Variants in FANCL observed in about 807,000 individuals in gnomAD.
The protein encoded by FANCL is E3 ubiquitin-protein ligase FANCL.
FANCL carries 69 observed loss-of-function variants against 59.4 expected under a neutral mutation model. The ratio of observed to expected loss-of-function variants is 1.16; its 90% CI spans 0.96 to 1.42. The LOEUF (loss-of-function observed/expected upper bound fraction) is 1.42, where lower values mean the gene tolerates loss of function less well. Among genes scored for constraint, FANCL ranks in the 40% most tolerant of loss-of-function variants. The probability of loss-of-function intolerance (pLI) is 0.00; values close to 1 mark genes in which losing one functional copy is unlikely to be tolerated. For synonymous variants in FANCL, 180 were observed against 147.1 expected (o/e 1.22, Z -1.62); for missense variants, 519 against 447.2 (o/e 1.16, Z -1.45).
At chr2:58,230,577 G>A (rs1202913853) in intron 2 of FANCL, among the ~76,000 whole-genome samples, 1 of 152,128 alleles carries the variant, frequency 6.6e-6, no homozygotes, top group Non-Finnish European at 1.5e-5. Flanking sequence ...ACTCTTCTAA[G>A]GAATTACTTT....
At chr2:58,200,256 T>C (rs1378928765) in intron 6 of FANCL, among the ~76,000 whole-genome samples, 1 of 152,082 alleles carries the variant, frequency 6.6e-6, no homozygotes, top group Non-Finnish European at 1.5e-5. Context: ...CGTGATTATC[T>C]CAAAGTAAAT....
At chr2:58,177,071 C>T (rs1227256620) in intron 7 of FANCL, among the ~76,000 whole-genome samples, 2 of 152,188 alleles carry the variant, frequency 1.3e-5, no homozygotes, top group South Asian at 4.1e-4. Flanking sequence ...CAAATCAAAA[C>T]CACAACGAGA....
rs747253294 is a variant in FANCL, at chr2:58,161,532, CATA to C, written c.1007_1009del (p.Ile336_Cys337delinsSer). 867 of 1,594,924 alleles carry C rather than the reference CATA, an allele frequency of 5.4e-4. No homozygotes were observed. Among genetic ancestry groups the C allele is most frequent in the Non-Finnish European group, 6.7e-4 (785 of 1,163,178 alleles). The stretch of plus-strand genomic sequence containing the variant: ...ATTTTTATTTTTTACCTCATATAAG[CATA>C]TTTGATGGAAAGGTTGTCCACACTG... On this transcript the variant is annotated inframe_deletion, in exon 12 of 14. Coordinates refer to ENST00000233741, the MANE Select transcript of FANCL (RefSeq NM_018062.4).
rs115348867 is a variant in FANCL at position 58,230,506 on chromosome 2, A to G, written c.156-632T>C. 5.9e-3 allele frequency among the ~76,000 whole-genome samples: 895 copies of G among 152,212 alleles called. 13 individuals are homozygous for G. The highest frequency in any genetic ancestry group is 0.02 in the African/African-American group (845 of 41,536). Reference sequence around the variant, plus strand: ...CTTCTAATTAATTGTATAAGAAGTGATAAGTTAATGTTCATCCACTTACTG... The same window carrying G: ...CTTCTAATTAATTGTATAAGAAGTGGTAAGTTAATGTTCATCCACTTACTG... On this transcript the variant is annotated intron_variant, in intron 2 of 13. Transcript: ENST00000233741.
Position 58,165,853 on chromosome 2 carries a change from TATAA to T in FANCL, c.558_561del (p.Tyr187ValfsTer7). The stretch of plus-strand genomic sequence containing the variant: ...GATTCTATTGCTGCCAAAAACTGAC[TATAA>T]ATGCTTATTAAGGAGCTCTGTGAAA... On this transcript the variant is annotated frameshift_variant, in exon 8 of 14. Coordinates refer to ENST00000233741, the MANE Select transcript of FANCL (RefSeq NM_018062.4). LOFTEE classifies it high-confidence loss of function. 3.1e-6 allele frequency: 5 copies of T among 1,614,064 alleles called. No individual in the cohort carries two copies. Among genetic ancestry groups the T allele is most frequent in the Non-Finnish European group, 4.2e-6 (5 of 1,179,964 alleles).
At position 58,161,527 on chromosome 2, in the gene FANCL, A is replaced by T. The variant is rs1200470188; in HGVS notation, c.1015T>A (p.Tyr339Asn). The part of the protein sequence containing the change: ...CGQPFHQICL[Y>N]EWLRGLLTSR... ...ACAATATTTTTATTTTTTACCTCAT[A>T]TAAGCATATTTGATGGAAAGGTTGT... The change falls in exon 12 of 14, where the codon TAT becomes AAT. Residue 339 changes from tyrosine to asparagine, a missense_variant. Physicochemically the swap from Tyr to Asn is moderately radical, Grantham distance 143. Transcript: ENST00000233741. 1.9e-6 allele frequency: 3 copies of T among 1,585,904 alleles called. No individual in the cohort carries two copies. Among genetic ancestry groups the T allele is most frequent in the Non-Finnish European group, 2.6e-6 (3 of 1,154,826 alleles).
At chr2:58,237,028 C>T (rs58950743) in intron 1 of FANCL, among the ~76,000 whole-genome samples, 1 of 151,866 alleles carries the variant, frequency 6.6e-6, no homozygotes, top group Non-Finnish European at 1.5e-5. Flanking sequence ...ATTTCAACAC[C>T]CCCTCTCACT....
chr2:58,209,665 C>A (rs1341785371), intron 5 of FANCL, among the ~76,000 whole-genome samples: 1 of 152,044 alleles, frequency 6.6e-6, no homozygotes, highest in African/African-American at 2.4e-5. Flanking sequence ...ACATAACATG[C>A]CTCTTTGAAA....
intron 12 of FANCL, among the ~76,000 whole-genome samples, chr2:58,161,184 G>T (rs115631570): frequency 1.3e-5 from 2 of 151,836 alleles, no homozygotes; most frequent in African/African-American, 2.4e-5. Context: ...CCTCCACCTC[G>T]GGTAAACCTA....
chr2:58,222,073 G>A (rs1692531128), intron 4 of FANCL, 31 bp from the exon 5 acceptor site: 1 of 1,486,106 alleles, frequency 6.7e-7, no homozygotes, highest in African/African-American at 1.4e-5. Flanking sequence ...TGAATTAGCT[G>A]TGGAACGCAA....
chr2:58,192,891 T>C (rs374452719), intron 7 of FANCL, among the ~76,000 whole-genome samples: 2 of 152,016 alleles, frequency 1.3e-5, no homozygotes, highest in East Asian at 3.9e-4. Context: ...CCTTGCAAAC[T>C]TAACTTCTGA....
At chr2:58,236,232 T>C (rs1694007793) in intron 1 of FANCL, among the ~76,000 whole-genome samples, 3 of 151,628 alleles carry the variant, frequency 2.0e-5, no homozygotes, top group Admixed American at 6.6e-5. Context: ...AGAAAAATCT[T>C]AAAAGCAGCC....
intron 1 of FANCL, among the ~76,000 whole-genome samples, chr2:58,240,278 T>C (rs541891521): frequency 6.6e-6 from 1 of 152,198 alleles, no homozygotes; most frequent in Non-Finnish European, 1.5e-5. Context: ...ACCTCTACTT[T>C]CTGTGATGGT....
rs1407471203 is a variant in FANCL, at chr2:58,211,477, C to T, written c.375-7251G>A. Among the ~76,000 whole-genome samples, 3 of 152,310 alleles carry T rather than the reference C, an allele frequency of 2.0e-5. No individual in the cohort carries two copies. In the East Asian group the frequency reaches 5.8e-4, roughly 29 times the overall value. On this transcript the variant is annotated intron_variant, in intron 5 of 13. Transcript: ENST00000233741. ...GAAGACCTCTGGCATGCCCTGGAGACATTTTCCCCATTATCTTGGGGACTA... is the reference window on the plus strand; with the variant it reads ...GAAGACCTCTGGCATGCCCTGGAGATATTTTCCCCATTATCTTGGGGACTA...
chr2:58,221,693 T>C (rs1291265244), intron 5 of FANCL, among the ~76,000 whole-genome samples: 3 of 152,208 alleles, frequency 2.0e-5, no homozygotes, highest in African/African-American at 7.2e-5. Context: ...AAAGTATCTA[T>C]TACGGTAACA....
intron 7 of FANCL, among the ~76,000 whole-genome samples, chr2:58,188,159 A>G (rs1227447455): frequency 6.6e-6 from 1 of 152,162 alleles, no homozygotes; most frequent in Non-Finnish European, 1.5e-5. Flanking sequence ...ATGTGTTGAA[A>G]GACTGTCCTT....
At chr2:58,219,156 AAAAAAAAAAAAAAAAATAT>A (rs1692164385) in intron 5 of FANCL, among the ~76,000 whole-genome samples, 1 of 93,168 alleles carries the variant, frequency 1.1e-5, no homozygotes, top group African/African-American at 6.2e-5. Flanking sequence ...AAAAAAAAAA[AAAAAAAAAAAAAAAAATAT>A]ATATATATAT....
chr2:58,213,284 G>A (rs1360162948), intron 5 of FANCL, among the ~76,000 whole-genome samples: 1 of 152,170 alleles, frequency 6.6e-6, no homozygotes, highest in African/African-American at 2.4e-5. Flanking sequence ...GCCTTAAACA[G>A]TAGCAATTCT....
intron 7 of FANCL, among the ~76,000 whole-genome samples, chr2:58,174,452 T>G (rs987492721): frequency 2.0e-5 from 3 of 152,144 alleles, no homozygotes; most frequent in African/African-American, 7.2e-5. Context: ...CAGACCACAG[T>G]GCAATCAAAC....
Sources: gnomAD v4.1 joint callset for allele counts (sites outside exome capture counted in the v4.1 genomes callset) on GRCh38, gnomAD v4.1.1 for gene constraint, MANE v1.5 for transcripts, NCBI Gene and HGNC (gene_info 2026-07-23, HGNC 2026-07-21) for gene names.